The following NMUR2 variants were observed in gnomAD, a reference collection of about 807,000 sequenced individuals.
The protein encoded by NMUR2 is neuromedin U receptor 2, also known as neuromedin-U receptor 2.
NMUR2 carries 24 observed loss-of-function variants against 25.1 expected under a neutral mutation model. The ratio of observed to expected loss-of-function variants is 0.96; its 90% confidence interval spans 0.69 to 1.34. The LOEUF (loss-of-function observed/expected upper bound fraction) is 1.34. Among genes scored for constraint, NMUR2 ranks in the 40% most tolerant of loss-of-function variants. NMUR2 has a pLI of 0.00. For missense variants in NMUR2, 533 were observed against 512.8 expected (o/e 1.04, Z -0.38); for synonymous variants, 218 against 208.1 (o/e 1.05, Z -0.41).
At chr5:152,395,151 C>T (rs968056022) in intron 3 of NMUR2, among the ~76,000 whole-genome samples, 3 of 151,996 alleles carry the variant, frequency 2.0e-5, no homozygotes, top group African/African-American at 7.3e-5. Flanking sequence ...AAATAAGAAC[C>T]AATTTAATTG....
At chr5:152,396,945 C>G (rs1463884787) in intron 2 of NMUR2, among the ~76,000 whole-genome samples, 1 of 151,232 alleles carries the variant, frequency 6.6e-6, no homozygotes. Context: ...TAAAGTTGAA[C>G]CCCATCCCAA....
At chr5:152,404,345 A>G (rs747309360) in intron 1 of NMUR2, 43 bp downstream of exon 1, 1 of 1,538,496 alleles carries the variant, frequency 6.5e-7, no homozygotes, top group South Asian at 1.3e-5. Context: ...CCTGTGAAAA[A>G]AGAAGGGATG....
chr5:152,397,012 G>GTTTTTTTTTTGTTTT (rs1753163984), intron 2 of NMUR2, among the ~76,000 whole-genome samples: 4 of 105,708 alleles, frequency 3.8e-5, no homozygotes, highest in Non-Finnish European at 4.1e-5. Context: ...TGAGCTTCAT[G>GTTTTTTTTTTGTTTT]TTTTTTTTTT....
chr5:152,396,861 CCAGGGCAACAGGGCAAGACTCCATCT>C (rs1753160830), intron 2 of NMUR2, among the ~76,000 whole-genome samples: 1 of 152,012 alleles, frequency 6.6e-6, no homozygotes, highest in Admixed American at 6.6e-5. Context: ...TGCACTCCAG[CCAGGGCAACAGGGCAAGACTCCATCT>C]CAAAAACAAC....
intron 3 of NMUR2, among the ~76,000 whole-genome samples, chr5:152,394,475 A>T (rs1199611841): frequency 6.6e-6 from 1 of 152,214 alleles, no homozygotes; most frequent in African/African-American, 2.4e-5. Context: ...GAGCCCATAG[A>T]ATCAGCCGGT....
chr5:152,402,798 G>A (rs542539897), intron 1 of NMUR2, among the ~76,000 whole-genome samples: 26 of 152,274 alleles, frequency 1.7e-4, no homozygotes, highest in African/African-American at 6.3e-4. Context: ...GAGCTAGTGC[G>A]GGGTGGGACA....
chr5:152,403,135 A>T (rs1753286997), intron 1 of NMUR2, among the ~76,000 whole-genome samples: 1 of 152,146 alleles, frequency 6.6e-6, no homozygotes, highest in Non-Finnish European at 1.5e-5. Flanking sequence ...TTCAGCTCAC[A>T]GGTGTTTTTT....
chr5:152,397,789 G>A (rs970681704), intron 2 of NMUR2, among the ~76,000 whole-genome samples: 5 of 152,136 alleles, frequency 3.3e-5, no homozygotes, highest in Admixed American at 2.6e-4. Context: ...GTGTTGTTTT[G>A]AGGGTTCAAA....
At chr5:152,403,077 G>A (rs2113103359) in intron 1 of NMUR2, among the ~76,000 whole-genome samples, 1 of 152,314 alleles carries the variant, frequency 6.6e-6, no homozygotes, top group African/African-American at 2.4e-5. Flanking sequence ...CAAAGCAAAT[G>A]ATGTGAATGT....
intron 1 of NMUR2, among the ~76,000 whole-genome samples, chr5:152,403,455 A>C (rs1005519268): frequency 6.6e-6 from 1 of 152,096 alleles, no homozygotes; most frequent in African/African-American, 2.4e-5. Flanking sequence ...CTTATTAAAA[A>C]TAGTTTCTCT....
At chr5:152,402,392 T>C (rs1047788305) in intron 1 of NMUR2, among the ~76,000 whole-genome samples, 6 of 152,200 alleles carry the variant, frequency 3.9e-5, no homozygotes, top group Non-Finnish European at 8.8e-5. Flanking sequence ...AGTGACTTTG[T>C]AAGCGTTAGT....
chr5:152,393,874 C>A (rs944771215), intron 3 of NMUR2, among the ~76,000 whole-genome samples: 2 of 151,952 alleles, frequency 1.3e-5, no homozygotes, highest in African/African-American at 4.8e-5. Context: ...TATTCAGGGG[C>A]AGGAATGGCC....
At position 152,404,872 on chromosome 5, in the gene NMUR2, T is replaced by G; in HGVS notation, c.242A>C (p.Asn81Thr). 6.2e-7 allele frequency: 1 copy of G among 1,614,022 alleles called. No homozygotes were observed. The highest frequency in any genetic ancestry group is 8.5e-7 in the Non-Finnish European group (1 of 1,180,004). Reference protein sequence around the residue: ...LQHQAMKTPTNYYLFSLAVSD... With the variant: ...LQHQAMKTPTTYYLFSLAVSD... Reference sequence around the variant, plus strand: ...GACCGCCAGGCTGAAGAGGTAGTAGTTGGTGGGCGTCTTCATAGCCTGGTG... The same window carrying G: ...GACCGCCAGGCTGAAGAGGTAGTAGGTGGTGGGCGTCTTCATAGCCTGGTG... Residue 81 changes from asparagine (N) to threonine (T), a missense_variant, in exon 1 of 4, where the codon AAC becomes ACC. Asn to Thr is a moderately conservative substitution (Grantham distance 65). Transcript: ENST00000255262.
At position 152,404,816 on chromosome 5, in the gene NMUR2, G is replaced by A. The variant is rs372640480; in HGVS notation, c.298C>T (p.Pro100Ser). ...SDLLVLLLGM[P>S]LEVYEMWRNY... ...CGCCACATCTCATAGACCTCCAGGG[G>A]CATTCCAAGGAGCAGGACCAGGAGG... The change falls in exon 1 of 4, where the codon CCC becomes TCC. Residue 100 changes from proline to serine, a missense_variant. Physicochemically the swap from Pro to Ser is moderately conservative, Grantham distance 74. Transcript: ENST00000255262. The A allele has an allele frequency of 5.0e-6, 8 of 1,613,966 alleles. No homozygotes were observed. The highest frequency in any genetic ancestry group is 5.9e-6 in the Non-Finnish European group (7 of 1,180,022).
chr5:152,396,457 C>T (rs1580887506), intron 2 of NMUR2, among the ~76,000 whole-genome samples: 2 of 152,134 alleles, frequency 1.3e-5, no homozygotes, highest in Admixed American at 1.3e-4. Flanking sequence ...CAGTATTATA[C>T]ATGCATTTCC....
chr5:152,404,951 T>C lies in NMUR2; in HGVS notation c.163A>G (p.Ile55Val), dbSNP rs751618195. The C allele has an allele frequency of 1.9e-6, 3 of 1,613,368 alleles. No homozygotes were observed. The African/African-American group carries it at 4.0e-5, about 22-fold the overall frequency. The part of the protein sequence containing the change: ...FLPVSVVYVP[I>V]FVVGVIGNVL... ...TTGCCAATGACCCCCACCACAAAAA[T>C]TGGCACATACACCACAGACACGGGG... The change falls in exon 1 of 4, where the codon ATT becomes GTT. Residue 55 changes from isoleucine (I) to valine (V), a missense_variant. By Grantham distance (29) the Ile-to-Val change is conservative. Transcript: ENST00000255262.
chr5:152,398,126 G>C lies in NMUR2; in HGVS notation c.745C>G (p.Leu249Val). 1 of 1,613,010 alleles carries C rather than the reference G, an allele frequency of 6.2e-7. No homozygotes were observed. Among genetic ancestry groups the C allele is most frequent in the East Asian group, 2.2e-5 (1 of 44,844 alleles). ...MALRLKKDKS[L>V]EADEGNANIQ... ...TTTGCATTCCCTTCATCTGCCTCAAGAGATTTGTCTTTCTTTAGCTGAAAG... is the reference window on the plus strand; with the variant it reads ...TTTGCATTCCCTTCATCTGCCTCAACAGATTTGTCTTTCTTTAGCTGAAAG... Residue 249 changes from leucine to valine, a missense_variant, in exon 2 of 4, where the codon CTT becomes GTT. Physicochemically the swap from Leu to Val is conservative, Grantham distance 32 (BLOSUM62 1). Transcript: ENST00000255262.
Position 152,405,273 on chromosome 5 carries a change from C to G in NMUR2, c.-160G>C. Reference sequence around the variant, plus strand: ...TGGGAGAGAGTGAGTGTTTCACCCTCCAGGTTAGGCTGCCTGGACCGCCGA... The same window carrying G: ...TGGGAGAGAGTGAGTGTTTCACCCTGCAGGTTAGGCTGCCTGGACCGCCGA... On this transcript the variant is annotated 5_prime_UTR_variant, in exon 1 of 4. Coordinates refer to ENST00000255262, the MANE Select transcript of NMUR2 (RefSeq NM_020167.5). The G allele has an allele frequency of 2.5e-6, 2 of 814,488 alleles. No individual in the cohort carries two copies. The highest frequency in any genetic ancestry group is 3.8e-5 in the South Asian group (2 of 52,558). The allele number at this position is 814,488 out of a possible 1,614,324, so 50.5% of individuals were successfully genotyped here.
chr5:152,404,987 G>T lies in NMUR2; in HGVS notation c.127C>A (p.His43Asn). The change falls in exon 1 of 4, where the codon CAC (histidine) becomes AAC (asparagine). Residue 43 changes from histidine (H) to asparagine (N), a missense_variant. Coordinates refer to ENST00000255262, the MANE Select transcript of NMUR2 (RefSeq NM_020167.5). ...LAFLCGPRRSHFFLPVSVVYV... is the reference protein window; with the variant it reads ...LAFLCGPRRSNFFLPVSVVYV... ...ACCACAGACACGGGGAGGAAGAAGT[G>T]GCTGCGCCGAGGTCCGCAGAGGAAG... 2.5e-6 allele frequency: 4 copies of T among 1,613,946 alleles called. No homozygotes were observed. The highest frequency in any genetic ancestry group is 3.4e-6 in the Non-Finnish European group (4 of 1,179,966).
Sources: allele counts gnomAD v4.1 joint callset (sites outside exome capture counted in the v4.1 genomes callset), GRCh38; gene constraint gnomAD v4.1.1; transcripts MANE v1.5; gene names NCBI Gene and HGNC (gene_info 2026-07-23, HGNC 2026-07-21).